The following LRMDA variants were observed in gnomAD, a reference collection of about 807,000 sequenced individuals.
LRMDA encodes leucine-rich melanocyte differentiation-associated protein.
LRMDA carries 18 observed loss-of-function variants against 29.8 expected under a neutral mutation model. The observed-to-expected ratio is 0.60, with a 90% CI of 0.42 to 0.90. The LOEUF (loss-of-function observed/expected upper bound fraction) is 0.90. LRMDA is among the 40% of genes least tolerant of loss of function. LRMDA has a pLI of 0.00. For missense variants in LRMDA, 273 were observed against 273.9 expected, an observed-to-expected ratio of 1.00 and a Z score of 0.02; for synonymous variants, 125 against 109.4, an observed-to-expected ratio of 1.14 and a Z score of -0.89.
intron 2 of LRMDA, among the ~76,000 whole-genome samples, chr10:75,519,589 G>T (rs976684500): frequency 1.3e-5 from 2 of 152,098 alleles, no homozygotes; most frequent in African/African-American, 2.4e-5. Context: ...CACTTGAGAT[G>T]GGTCTCCTGA....
chr10:75,451,497 A>G (rs1844459523), intron 2 of LRMDA: 1 of 152,228 alleles, frequency 6.6e-6, no homozygotes, highest in Non-Finnish European at 1.5e-5. Flanking sequence ...ATTGTAGTCA[A>G]TTACGACAAA....
chr10:75,607,447 T>C (rs747895333), intron 2 of LRMDA, among the ~76,000 whole-genome samples: 2 of 152,218 alleles, frequency 1.3e-5, no homozygotes, highest in Non-Finnish European at 2.9e-5. Flanking sequence ...TGTAATACTG[T>C]ATTTCTTTGG....
chr10:76,462,018 G>A (rs1233960644), intron 6 of LRMDA, among the ~76,000 whole-genome samples: 3 of 141,492 alleles, frequency 2.1e-5, no homozygotes, highest in African/African-American at 7.9e-5. Context: ...GCAGTGAACT[G>A]CAATTGTGCC....
chr10:75,972,308 A>C (rs1283628199), intron 2 of LRMDA, among the ~76,000 whole-genome samples: 1 of 151,800 alleles, frequency 6.6e-6, no homozygotes, highest in African/African-American at 2.4e-5. Flanking sequence ...TTTTTTAAAG[A>C]GCGAGAAAAC....
intron 2 of LRMDA, among the ~76,000 whole-genome samples, chr10:75,747,345 T>A (rs1842901719): frequency 6.6e-6 from 1 of 152,212 alleles, no homozygotes. Context: ...GATTTAATTA[T>A]GGTATTATTC....
rs1365811398 is a variant in LRMDA, at chr10:76,498,427, C to T, written c.602-58782C>T. On this transcript the variant is annotated intron_variant, in intron 6 of 6. Coordinates refer to ENST00000611255, the MANE Select transcript of LRMDA (RefSeq NM_001305581.2). The stretch of plus-strand genomic sequence containing the variant: ...TAGTTCAAAGCCAAACCTGGAGGTA[C>T]AGGATGATCTGCAGGCAACAAGAGA... Among the ~76,000 whole-genome samples the T allele has an allele frequency of 2.7e-5, 2 of 75,470 alleles. 1 individual carries two copies. Among genetic ancestry groups the T allele is most frequent in the Non-Finnish European group, 8.8e-5 (2 of 22,716 alleles). 49.5% of individuals were successfully genotyped at this position (75,470 alleles called of 152,430 possible). A position where few individuals can be genotyped will look rare whatever the true frequency, so the allele number is the denominator to read the frequency against.
chr10:75,489,544 T>A (rs776456324), intron 2 of LRMDA, among the ~76,000 whole-genome samples: 3 of 152,258 alleles, frequency 2.0e-5, no homozygotes, highest in Non-Finnish European at 2.9e-5. Flanking sequence ...TGAGCCATAC[T>A]TTTTAATGGC....
intron 6 of LRMDA, among the ~76,000 whole-genome samples, chr10:76,489,894 A>T (rs968878035): frequency 1.3e-5 from 2 of 151,900 alleles, no homozygotes; most frequent in East Asian, 3.9e-4. Flanking sequence ...CCCTGTGAAG[A>T]GGTGCCTTCT....
At chr10:75,745,830 A>C (rs1053203928) in intron 2 of LRMDA, among the ~76,000 whole-genome samples, 1 of 152,066 alleles carries the variant, frequency 6.6e-6, no homozygotes. Flanking sequence ...TTTTTTCGTG[A>C]TGACCTTGAC....
chr10:76,219,054 G>C (rs1419463459), intron 5 of LRMDA, among the ~76,000 whole-genome samples: 2 of 152,146 alleles, frequency 1.3e-5, no homozygotes, highest in African/African-American at 4.8e-5. Context: ...AAGGCACTGG[G>C]AGAATGCAAT....
intron 2 of LRMDA, among the ~76,000 whole-genome samples, chr10:75,973,021 ACAGCAGCAG>A (rs3042539): frequency 0.017 from 2,512 of 148,954 alleles, 61 homozygotes; most frequent in African/African-American, 0.055. Flanking sequence ...CACTTTAACA[ACAGCAGCAG>A]CAGCAGCAGC....
intron 2 of LRMDA, among the ~76,000 whole-genome samples, chr10:75,582,551 G>A (rs774766179): frequency 5.3e-5 from 8 of 152,184 alleles, no homozygotes; most frequent in Non-Finnish European, 1.0e-4. Context: ...CATGGCCCAC[G>A]AAACTATTCT....
chr10:75,580,201 G>A (rs555633281), intron 2 of LRMDA, among the ~76,000 whole-genome samples: 8 of 152,286 alleles, frequency 5.3e-5, no homozygotes, highest in African/African-American at 1.4e-4. Flanking sequence ...ATCTCCTTAA[G>A]CTGATAAAAA....
chr10:75,591,594 T>C (rs954516759), intron 2 of LRMDA, among the ~76,000 whole-genome samples: 1 of 152,220 alleles, frequency 6.6e-6, no homozygotes, highest in Admixed American at 6.5e-5. Context: ...TCTTTCTGCA[T>C]GTTCTTGGAG....
chr10:75,736,435 C>T (rs1049970372), intron 2 of LRMDA, among the ~76,000 whole-genome samples: 2 of 152,078 alleles, frequency 1.3e-5, no homozygotes, highest in East Asian at 1.9e-4. Flanking sequence ...ACACACACAG[C>T]GGGAGACGGA....
Position 76,207,558 on chromosome 10 carries a change from G to A in LRMDA, c.517-116843G>A, listed in dbSNP as rs191356927. ...ACAATGCCCAGTGTGTGTGACTTCT[G>A]CACATAGTCATGTGAGTCACTTCCT... On this transcript the variant is annotated intron_variant, in intron 5 of 6. Transcript: ENST00000611255. Among the ~76,000 whole-genome samples, 186 of 152,284 alleles carry A rather than the reference G, an allele frequency of 1.2e-3. 1 individual carries two copies. Among genetic ancestry groups the A allele is most frequent in the African/African-American group, 3.6e-3 (149 of 41,554 alleles).
At chr10:75,797,012 C>T (rs1387993278) in intron 2 of LRMDA, among the ~76,000 whole-genome samples, 1 of 152,114 alleles carries the variant, frequency 6.6e-6, no homozygotes, top group East Asian at 1.9e-4. Flanking sequence ...TTCCTTCCTC[C>T]TCTGTGCTCT....
chr10:76,339,350 T>A (rs1332110803), intron 6 of LRMDA, among the ~76,000 whole-genome samples: 1 of 151,624 alleles, frequency 6.6e-6, no homozygotes, highest in Non-Finnish European at 1.5e-5. Flanking sequence ...GTTTTGGGTT[T>A]ATGAGGAAAT....
At chr10:76,208,721 C>A (rs1851582422) in intron 5 of LRMDA, among the ~76,000 whole-genome samples, 1 of 152,100 alleles carries the variant, frequency 6.6e-6, no homozygotes, top group Non-Finnish European at 1.5e-5. Context: ...GGAAAACCAA[C>A]CCAGCAAGCA....
Sources: gnomAD v4.1 joint callset for allele counts (sites outside exome capture counted in the v4.1 genomes callset) on GRCh38, gnomAD v4.1.1 for gene constraint, MANE v1.5 for transcripts, NCBI Gene and HGNC (gene_info 2026-07-23, HGNC 2026-07-21) for gene names.